The following TMEM114 variants were observed in gnomAD, a reference collection of about 807,000 sequenced individuals.
TMEM114 encodes the protein claudin-26.
A neutral mutation model predicts 6.2 loss-of-function variants in TMEM114; 6 were observed. The observed-to-expected ratio is 0.97, with a 90% confidence interval of 0.53 to 1.91. TMEM114 has a LOEUF of 1.91. Among genes scored for constraint, TMEM114 ranks in the 40% most tolerant of loss-of-function variants. The pLI is 0.01. For missense variants in TMEM114, 218 were observed against 158.3 expected (o/e 1.38, Z -2.02); for synonymous variants, 104 against 73.0 (o/e 1.42, Z -2.16).
chr16:8,531,567 G>A, the TMEM114 span, among the ~76,000 whole-genome samples: 3 of 152,320 alleles, frequency 2.0e-5, no homozygotes, highest in Admixed American at 2.0e-4. Context: ...TTGCACCCAT[G>A]CAGAAGTTTA....
downstream of TMEM114, among the ~76,000 whole-genome samples, chr16:8,564,885 ATGAGTGAG>A (rs1201973913): frequency 3.1e-5 from 1 of 32,670 alleles, no homozygotes; most frequent in Non-Finnish European, 5.9e-5. Flanking sequence ...GAGGGAGTGA[ATGAGTGAG>A]TGAGTGAATG....
At position 8,551,506 on chromosome 16, in the gene TMEM114, C is replaced by G. The variant is rs1273007339; in HGVS notation, n.213-13680G>C. 1.1e-4 allele frequency among the ~76,000 whole-genome samples: 16 copies of G among 152,262 alleles called. No individual in the cohort carries two copies. The East Asian group carries it at 2.9e-3, about 28-fold the overall frequency. The stretch of plus-strand genomic sequence containing the variant: ...GTGAGCATTGCATAAGAAGAAAATT[C>G]CACAAATAAACAGTTGGCCCCAAAC... On this transcript the variant is annotated intron_variant and non_coding_transcript_variant, in intron 2 of 2. Coordinates refer to the TMEM114 transcript ENST00000623677.
rs192784948 is a variant in TMEM114, at chr16:8,572,158, G to A, written c.368C>T (p.Thr123Met). Residue 123 changes from threonine to methionine, a missense_variant, in exon 3 of 4, where the codon ACG (threonine) becomes ATG (methionine). Thr to Met is a moderately conservative substitution (Grantham distance 81, BLOSUM62 -1). Coordinates refer to ENST00000620492, the MANE Select transcript of TMEM114 (RefSeq NM_001146336.2). Reference sequence around the variant, plus strand: ...TTGGAGGAGGAAGCTCAGAAACCCCGTCATCCCCCCAAAAACCATCAGGAT... The same window carrying A: ...TTGGAGGAGGAAGCTCAGAAACCCCATCATCCCCCCAAAAACCATCAGGAT... ...SLILMVFGGM[T>M]GFLSFLLQAY... 49 of 1,551,574 alleles carry A rather than the reference G, an allele frequency of 3.2e-5. No homozygotes were observed. The highest frequency in any genetic ancestry group is 1.7e-4 in the Middle Eastern group (1 of 5,994).
At chr16:8,554,143 A>G (rs567345681) in intron 2 of TMEM114, among the ~76,000 whole-genome samples, 2 of 152,078 alleles carry the variant, frequency 1.3e-5, no homozygotes, top group African/African-American at 4.8e-5. Context: ...CCTCCCTAAG[A>G]CTACTTCACT....
chr16:8,560,821 G>A (rs190454416), intron 2 of TMEM114, among the ~76,000 whole-genome samples: 26 of 152,250 alleles, frequency 1.7e-4, no homozygotes, highest in Admixed American at 1.7e-3. Context: ...ACTGAGGCTG[G>A]GTGTATTAGT....
rs1380254297 is a variant in TMEM114, at chr16:8,557,776, TGAA to T, written n.213-19953_213-19951del. 2.0e-5 allele frequency among the ~76,000 whole-genome samples: 3 copies of T among 152,218 alleles called. No homozygotes were observed. The East Asian group carries it at 5.8e-4, about 29-fold the overall frequency. On this transcript the variant is annotated intron_variant and non_coding_transcript_variant, in intron 2 of 2. Coordinates refer to the TMEM114 transcript ENST00000623677. ...TACTTCACAGACATCGTGGGAAGAC[TGAA>T]GAAGATAAAGCGCCATCATCATCTG...
chr16:8,540,920 T>G (rs999909182), intron 2 of TMEM114, among the ~76,000 whole-genome samples: 3 of 152,234 alleles, frequency 2.0e-5, no homozygotes, highest in African/African-American at 7.2e-5. Flanking sequence ...GAGATGGAAC[T>G]CAGGTTAAAA....
intron 2 of TMEM114, among the ~76,000 whole-genome samples, chr16:8,547,416 G>T (rs1471259188): frequency 6.9e-6 from 1 of 144,756 alleles, no homozygotes; most frequent in Non-Finnish European, 1.5e-5. Flanking sequence ...TTTTTGAGAC[G>T]GAGTCTCGCT....
At chr16:8,556,783 G>T (rs1184233222) in intron 2 of TMEM114, among the ~76,000 whole-genome samples, 1 of 152,204 alleles carries the variant, frequency 6.6e-6, no homozygotes, top group African/African-American at 2.4e-5. Context: ...GATTATAGGC[G>T]TGAGCCACCG....
intron 2 of TMEM114, among the ~76,000 whole-genome samples, chr16:8,547,370 CGCTT>C (rs1399386805): frequency 1.2e-4 from 18 of 145,686 alleles, no homozygotes; most frequent in African/African-American, 4.4e-4. Context: ...TGAAGAGACG[CGCTT>C]TCTTTCTTTC....
chr16:8,581,403 A>G (rs564340098), intron 2 of TMEM114, among the ~76,000 whole-genome samples: 6 of 152,266 alleles, frequency 3.9e-5, no homozygotes, highest in East Asian at 1.9e-4. Flanking sequence ...CACTGTTTCA[A>G]ACTGGTATGG....
chr16:8,575,794 G>T (rs1039092739), intron 2 of TMEM114, among the ~76,000 whole-genome samples: 2 of 152,186 alleles, frequency 1.3e-5, no homozygotes, highest in African/African-American at 4.8e-5. Context: ...CATTGTTATT[G>T]TTTCTCAGCT....
intron 2 of TMEM114, among the ~76,000 whole-genome samples, chr16:8,562,700 G>T (rs561192201): frequency 0.086 from 12,551 of 145,492 alleles, 741 homozygotes; most frequent in Middle Eastern, 0.16. Flanking sequence ...GAATGAGTGA[G>T]TGAGTAAATG....
At chr16:8,526,839 T>C in the TMEM114 span, among the ~76,000 whole-genome samples, 1 of 152,186 alleles carries the variant, frequency 6.6e-6, no homozygotes, top group African/African-American at 2.4e-5. Context: ...TTAATGAATA[T>C]GAGTTAAGTT....
intron 2 of TMEM114, among the ~76,000 whole-genome samples, chr16:8,545,266 C>T (rs1193267234): frequency 6.6e-6 from 1 of 151,938 alleles, no homozygotes; most frequent in African/African-American, 2.4e-5. Context: ...AGCAAGAGCC[C>T]TTATCTACAA....
At position 8,544,697 on chromosome 16, in the gene TMEM114, T is replaced by C. The variant is rs113681758; in HGVS notation, n.213-6871A>G. ...CCCTTTTCAGTGTTCAGAGATTTCA[T>C]GGCAGTAGTCTCAGTGCAAATTGAC... On this transcript the variant is annotated intron_variant and non_coding_transcript_variant, in intron 2 of 2. Coordinates refer to the TMEM114 transcript ENST00000623677. Among the ~76,000 whole-genome samples, 181 of 152,328 alleles carry C rather than the reference T, an allele frequency of 1.2e-3. 1 individual carries two copies. The highest frequency in any genetic ancestry group is 3.9e-3 in the African/African-American group (161 of 41,570).
At chr16:8,538,509 GT>G (rs1207035566) in intron 2 of TMEM114, among the ~76,000 whole-genome samples, 1 of 141,372 alleles carries the variant, frequency 7.1e-6, no homozygotes, top group Non-Finnish European at 1.5e-5. Context: ...TTGTTTGTTT[GT>G]TTTTTGTTTT....
chr16:8,529,008 T>C, the TMEM114 span, among the ~76,000 whole-genome samples: 1 of 152,244 alleles, frequency 6.6e-6, no homozygotes, highest in Non-Finnish European at 1.5e-5. Flanking sequence ...CACAGGACTA[T>C]TGACTTTGAA....
At chr16:8,530,796 G>C in the TMEM114 span, among the ~76,000 whole-genome samples, 1 of 152,134 alleles carries the variant, frequency 6.6e-6, no homozygotes, top group Non-Finnish European at 1.5e-5. Flanking sequence ...GGCCGAGTCA[G>C]ATGAATTGCT....
Sources: allele counts gnomAD v4.1 joint callset (sites outside exome capture counted in the v4.1 genomes callset), GRCh38; gene constraint gnomAD v4.1.1; transcripts MANE v1.5; gene names NCBI Gene and HGNC (gene_info 2026-07-23, HGNC 2026-07-21).